LUZP2: variants seen among roughly 807,000 people sequenced by gnomAD.
The protein encoded by LUZP2 is leucine zipper protein 2.
LUZP2 carries 52 observed loss-of-function variants against 51.6 expected under a neutral mutation model. That is an observed-to-expected ratio of 1.01 (90% CI 0.81 to 1.27). LUZP2 has a LOEUF of 1.27. LUZP2 is among the 50% of genes most tolerant of loss of function. The probability of loss-of-function intolerance (pLI) is 0.00; values close to 1 mark genes in which losing one functional copy is unlikely to be tolerated. For missense variants in LUZP2, 436 were observed against 395.4 expected, an observed-to-expected ratio of 1.10 and a Z score of -0.87; for synonymous variants, 154 against 137.3, an observed-to-expected ratio of 1.12 and a Z score of -0.85.
chr11:24,910,354 A>T (rs1853587223), intron 6 of LUZP2, among the ~76,000 whole-genome samples: 1 of 152,142 alleles, frequency 6.6e-6, no homozygotes, highest in African/African-American at 2.4e-5. Context: ...AATGGGGAAA[A>T]TGTCTCCAAG....
At chr11:24,698,251 G>A (rs1211291561) in intron 1 of LUZP2, among the ~76,000 whole-genome samples, 1 of 152,128 alleles carries the variant, frequency 6.6e-6, no homozygotes, top group Non-Finnish European at 1.5e-5. Context: ...CAGAAATTCA[G>A]CCTACCCTCC....
chr11:24,781,297 C>T (rs1849082964), intron 5 of LUZP2, among the ~76,000 whole-genome samples: 1 of 151,990 alleles, frequency 6.6e-6, no homozygotes, highest in Admixed American at 6.6e-5. Context: ...CCTTTTGTCC[C>T]CTTTTTCCTC....
chr11:24,998,937 T>A (rs917512947), intron 9 of LUZP2, among the ~76,000 whole-genome samples: 5 of 152,194 alleles, frequency 3.3e-5, no homozygotes, highest in Non-Finnish European at 7.3e-5. Flanking sequence ...ATTTTAAAAC[T>A]GTTTTTGTGT....
At chr11:24,728,432 A>G (rs1858576516) in intron 1 of LUZP2, among the ~76,000 whole-genome samples, 2 of 152,174 alleles carry the variant, frequency 1.3e-5, no homozygotes, top group Non-Finnish European at 2.9e-5. Flanking sequence ...TAGTTAGGCC[A>G]GCGTAATCTT....
chr11:24,807,024 C>CAAAAAAAA (rs34565471), intron 5 of LUZP2, among the ~76,000 whole-genome samples: 5 of 110,264 alleles, frequency 4.5e-5, no homozygotes, highest in African/African-American at 1.7e-4. Flanking sequence ...GAAAATCCAC[C>CAAAAAAAA]AAAAAAAAAA....
intron 9 of LUZP2, among the ~76,000 whole-genome samples, chr11:25,020,726 C>T (rs1034558605): frequency 7.3e-5 from 11 of 151,676 alleles, no homozygotes; most frequent in African/African-American, 2.4e-4. Flanking sequence ...TTTTTTGATG[C>T]CTTTTACATT....
intron 1 of LUZP2, among the ~76,000 whole-genome samples, chr11:24,661,522 T>C (rs1018960995): frequency 2.0e-5 from 3 of 152,110 alleles, no homozygotes; most frequent in African/African-American, 7.2e-5. Context: ...GGCTGCAGAG[T>C]CAGCATGAAC....
intron 5 of LUZP2, among the ~76,000 whole-genome samples, chr11:24,828,030 AAC>A (rs10589505): frequency 0.79 from 118,742 of 150,896 alleles, 46,953 homozygotes; most frequent in East Asian, 0.88. Flanking sequence ...CTTTAGGAGA[AAC>A]ACACACACAC....
intron 5 of LUZP2, among the ~76,000 whole-genome samples, chr11:24,784,652 T>C (rs889129972): frequency 7.2e-5 from 11 of 152,034 alleles, no homozygotes; most frequent in Non-Finnish European, 1.5e-4. Context: ...GTCCAATTCA[T>C]GTTCACTCAA....
rs1356219864 is a variant in LUZP2 at position 25,082,368 on chromosome 11, A to G, written c.*3710A>G. On this transcript the variant is annotated 3_prime_UTR_variant, in exon 12 of 12. Coordinates refer to ENST00000336930, the MANE Select transcript of LUZP2 (RefSeq NM_001009909.4). ...ATGAAATCTTTTATTTTTATAGCTC[A>G]GGTATTGTAATTAGCACTAATTGCA... is the stretch of plus-strand genomic sequence containing the variant. 6.6e-6 allele frequency: 1 copy of G among 152,650 alleles called. No individual in the cohort carries two copies. Among genetic ancestry groups the G allele is most frequent in the African/African-American group, 2.4e-5 (1 of 41,454 alleles). The allele number at this position is 152,650 out of a possible 1,614,324, so 9.5% of individuals were successfully genotyped here.
chr11:24,944,384 C>T (rs1854843817), intron 7 of LUZP2, among the ~76,000 whole-genome samples: 1 of 152,158 alleles, frequency 6.6e-6, no homozygotes, highest in South Asian at 2.1e-4. Context: ...CATTATAAAA[C>T]TTTCAATTAA....
chr11:24,890,296 G>A (rs915162935), intron 5 of LUZP2, among the ~76,000 whole-genome samples: 29 of 152,052 alleles, frequency 1.9e-4, no homozygotes, highest in Non-Finnish European at 3.1e-4. Context: ...TTATTCTACT[G>A]TTTATCAAAC....
chr11:24,885,870 A>G (rs922642574), intron 5 of LUZP2, among the ~76,000 whole-genome samples: 1 of 152,188 alleles, frequency 6.6e-6, no homozygotes. Context: ...AAAATTTCCT[A>G]TACAAGAAAA....
Position 24,729,093 on chromosome 11 carries a change from T to G in LUZP2, c.63-76T>G, listed in dbSNP as rs939690886. The G allele has an allele frequency of 8.3e-6, 5 of 602,678 alleles. No homozygotes were observed. In the African/African-American group the frequency reaches 9.5e-5, roughly 11 times the overall value. The allele number at this position is 602,678 out of a possible 1,614,324, so 37.3% of individuals were successfully genotyped here. A position where few individuals can be genotyped will look rare whatever the true frequency, so the allele number is the denominator to read the frequency against. The stretch of plus-strand genomic sequence containing the variant: ...TAACTTCTCTAGATTTCACTGAAAC[T>G]GTGAGTGTTAGTGATTATGACTGAT... On this transcript the variant is annotated intron_variant, in intron 1 of 11. Transcript: ENST00000336930.
At chr11:24,642,949 A>T (rs1855342469) in intron 1 of LUZP2, among the ~76,000 whole-genome samples, 2 of 152,112 alleles carry the variant, frequency 1.3e-5, no homozygotes, top group Admixed American at 1.3e-4. Context: ...TTGCCCTGGA[A>T]GATAAGACCT....
At chr11:25,023,136 T>G (rs1008328430) in intron 9 of LUZP2, among the ~76,000 whole-genome samples, 1 of 152,124 alleles carries the variant, frequency 6.6e-6, no homozygotes, top group Non-Finnish European at 1.5e-5. Flanking sequence ...TCTGCCAGGC[T>G]TTGGTGTCAG....
At chr11:24,988,921 G>A (rs908459815) in intron 9 of LUZP2, among the ~76,000 whole-genome samples, 1 of 151,654 alleles carries the variant, frequency 6.6e-6, no homozygotes, top group African/African-American at 2.4e-5. Flanking sequence ...CCTCCAAGAA[G>A]ACACAACACA....
At chr11:24,812,765 A>T (rs1198391905) in intron 5 of LUZP2, among the ~76,000 whole-genome samples, 1 of 152,146 alleles carries the variant, frequency 6.6e-6, no homozygotes, top group African/African-American at 2.4e-5. Context: ...CAAATGATAT[A>T]TTGTTGCCTA....
intron 11 of LUZP2, among the ~76,000 whole-genome samples, chr11:25,077,844 A>G (rs1326631572): frequency 6.6e-6 from 1 of 152,098 alleles, no homozygotes; most frequent in Non-Finnish European, 1.5e-5. Context: ...CTGGGGCAGG[A>G]TATTGTACTT....
Sources: gnomAD v4.1 joint callset for allele counts (sites outside exome capture counted in the v4.1 genomes callset) on GRCh38, gnomAD v4.1.1 for gene constraint, MANE v1.5 for transcripts, NCBI Gene and HGNC (gene_info 2026-07-23, HGNC 2026-07-21) for gene names.